The following MAGI1 variants were observed in gnomAD, a reference collection of about 807,000 sequenced individuals.
The protein encoded by MAGI1 is membrane associated guanylate kinase, WW and PDZ domain containing 1.
MAGI1 carries 58 observed loss-of-function variants against 139.9 expected under a neutral mutation model. That is an observed-to-expected ratio of 0.41 (90% CI 0.34 to 0.52). The LOEUF (loss-of-function observed/expected upper bound fraction) is 0.52. Among genes scored for constraint, MAGI1 ranks in the 20% least tolerant of loss-of-function variants. The probability of loss-of-function intolerance (pLI) is 0.12; values close to 1 mark genes in which losing one functional copy is unlikely to be tolerated. For synonymous variants in MAGI1, 812 were observed against 737.9 expected, an observed-to-expected ratio of 1.10 and a Z score of -1.63; for missense variants, 1,874 against 1,901.6, an observed-to-expected ratio of 0.99 and a Z score of 0.27.
chr3:65,498,472 T>C (rs745928864), intron 2 of MAGI1, among the ~76,000 whole-genome samples: 5 of 152,112 alleles, frequency 3.3e-5, no homozygotes. Context: ...AAAAAAATAA[T>C]AGCTTCCATT....
chr3:65,965,945 G>T (rs1473798866), intron 1 of MAGI1, among the ~76,000 whole-genome samples: 2 of 152,076 alleles, frequency 1.3e-5, no homozygotes, highest in Non-Finnish European at 2.9e-5. Context: ...GAGCCATCAC[G>T]CCCCACCAGT....
Position 65,693,632 on chromosome 3 carries a change from C to A in MAGI1, c.314-71544G>T, listed in dbSNP as rs137917531. The stretch of plus-strand genomic sequence containing the variant: ...TCCAGGTTAGCCTCTTTGGAGAGAC[C>A]AAAGGCGGCCTGATCCAAGAAGACC... On this transcript the variant is annotated intron_variant, in intron 1 of 22. Transcript: ENST00000402939. Among the ~76,000 whole-genome samples the A allele has an allele frequency of 5.3e-3, 803 of 152,244 alleles. 6 individuals are homozygous for A. Among genetic ancestry groups the A allele is most frequent in the African/African-American group, 0.018 (733 of 41,536 alleles).
intron 1 of MAGI1, among the ~76,000 whole-genome samples, chr3:65,826,555 T>C (rs2042241052): frequency 2.6e-5 from 4 of 152,218 alleles, no homozygotes; most frequent in African/African-American, 9.7e-5. Context: ...AGAATATTTT[T>C]CTTACTGACC....
chr3:65,497,252 A>G (rs1162984734), intron 2 of MAGI1, among the ~76,000 whole-genome samples: 1 of 152,212 alleles, frequency 6.6e-6, no homozygotes, highest in Non-Finnish European at 1.5e-5. Context: ...GGGGAAAAAA[A>G]GCCAAGAAGT....
chr3:65,879,990 GT>G (rs2060260918), intron 1 of MAGI1, among the ~76,000 whole-genome samples: 4 of 152,232 alleles, frequency 2.6e-5, no homozygotes, highest in African/African-American at 9.6e-5. Flanking sequence ...GTTGGGCTCA[GT>G]GGCTCACGCC....
At chr3:65,962,962 CAAGAT>C (rs1440906721) in intron 1 of MAGI1, among the ~76,000 whole-genome samples, 1 of 129,020 alleles carries the variant, frequency 7.8e-6, no homozygotes. Flanking sequence ...AAAGTTAAAA[CAAGAT>C]GAGTTTTTTT....
intron 6 of MAGI1, chr3:65,453,025 G>A: frequency 2.0e-6 from 1 of 490,354 alleles, no homozygotes; most frequent in Non-Finnish European, 3.7e-6. Context: ...TGACTGTTCT[G>A]CTTCTAATGG....
At chr3:65,996,673 C>T (rs761492923) in intron 1 of MAGI1, among the ~76,000 whole-genome samples, 2 of 152,120 alleles carry the variant, frequency 1.3e-5, no homozygotes, top group African/African-American at 4.8e-5. Flanking sequence ...GGGTGGAGAA[C>T]TCCCACATTT....
intron 1 of MAGI1, among the ~76,000 whole-genome samples, chr3:65,811,021 G>C (rs920521525): frequency 6.6e-6 from 1 of 152,162 alleles, no homozygotes; most frequent in South Asian, 2.1e-4. Context: ...TGAATGAATG[G>C]TCACACATGG....
At chr3:66,012,944 G>C (rs935488445) in intron 1 of MAGI1, among the ~76,000 whole-genome samples, 1 of 152,164 alleles carries the variant, frequency 6.6e-6, no homozygotes, top group Non-Finnish European at 1.5e-5. Flanking sequence ...GCAAAGAAAA[G>C]AGGAACCTAG....
chr3:65,961,695 T>G (rs1189004902), intron 1 of MAGI1, among the ~76,000 whole-genome samples: 1 of 152,224 alleles, frequency 6.6e-6, no homozygotes, highest in African/African-American at 2.4e-5. Flanking sequence ...ACAGGGTTCC[T>G]TGTATTCAGC....
chr3:66,036,460 A>G (rs2068926451), intron 1 of MAGI1, among the ~76,000 whole-genome samples: 1 of 152,176 alleles, frequency 6.6e-6, no homozygotes, highest in African/African-American at 2.4e-5. Flanking sequence ...AGTAAGTAAA[A>G]AAGCCACAAA....
chr3:65,474,794 C>G (rs2107599609), intron 4 of MAGI1, among the ~76,000 whole-genome samples: 1 of 152,220 alleles, frequency 6.6e-6, no homozygotes, highest in African/African-American at 2.4e-5. Context: ...CTCCATAAAG[C>G]TGATGAACTT....
chr3:65,429,964 T>C lies in MAGI1; in HGVS notation c.1723A>G (p.Ile575Val). Reference sequence around the variant, plus strand: ...ACAATAATTGGTTCTTTATCCAAAATGGCTACCGAGGTCACTAAACTTGTA... The same window carrying C: ...ACAATAATTGGTTCTTTATCCAAAACGGCTACCGAGGTCACTAAACTTGTA... The part of the protein sequence containing the change: ...PNTSLVTSVA[I>V]LDKEPIIVNG... The change falls in exon 12 of 23, where the codon ATT becomes GTT. Residue 575 changes from isoleucine to valine, a missense_variant. Coordinates refer to ENST00000402939, the MANE Select transcript of MAGI1 (RefSeq NM_001033057.2). 1 of 1,614,008 alleles carries C rather than the reference T, an allele frequency of 6.2e-7. No homozygotes were observed. The highest frequency in any genetic ancestry group is 8.5e-7 in the Non-Finnish European group (1 of 1,179,936).
intron 1 of MAGI1, among the ~76,000 whole-genome samples, chr3:65,835,129 T>C (rs1178369633): frequency 6.6e-6 from 1 of 152,200 alleles, no homozygotes; most frequent in Non-Finnish European, 1.5e-5. Context: ...CTATTTTTTG[T>C]TTTCTGTTTC....
chr3:65,698,451 C>T (rs1475710008), intron 1 of MAGI1, among the ~76,000 whole-genome samples: 5 of 149,990 alleles, frequency 3.3e-5, no homozygotes, highest in African/African-American at 9.8e-5. Flanking sequence ...AAGCTGGAGG[C>T]ATCACACTAC....
chr3:65,816,898 C>G (rs2041639157), intron 1 of MAGI1, among the ~76,000 whole-genome samples: 1 of 152,146 alleles, frequency 6.6e-6, no homozygotes, highest in South Asian at 2.1e-4. Context: ...ATCTTCATAT[C>G]TTTGGCACCT....
intron 3 of MAGI1, among the ~76,000 whole-genome samples, chr3:65,491,373 C>T (rs1182026488): frequency 2.6e-5 from 4 of 152,092 alleles, no homozygotes; most frequent in Non-Finnish European, 2.9e-5. Flanking sequence ...TCATTTGTTC[C>T]ATTAACATCG....
At chr3:65,756,682 A>T (rs6789531) in intron 1 of MAGI1, among the ~76,000 whole-genome samples, 81,239 of 151,926 alleles carry the variant, frequency 0.53, 22,333 homozygotes, top group Middle Eastern at 0.69. Context: ...TCTTCCTGTA[A>T]ACTACCTTTA....
Sources: gnomAD v4.1 joint callset for allele counts (sites outside exome capture counted in the v4.1 genomes callset) on GRCh38, gnomAD v4.1.1 for gene constraint, MANE v1.5 for transcripts, NCBI Gene and HGNC (gene_info 2026-07-23, HGNC 2026-07-21) for gene names.